The following GLDN variants were observed in gnomAD, a reference collection of about 807,000 sequenced individuals.
GLDN encodes the protein collomin.
In GLDN, 47 loss-of-function variants were observed where a neutral mutation model predicts 56.5. That is an observed-to-expected ratio of 0.83 (90% CI 0.66 to 1.06). The LOEUF (loss-of-function observed/expected upper bound fraction) is 1.06. Among genes scored for constraint, GLDN ranks in the 50% least tolerant of loss-of-function variants. GLDN has a pLI of 0.00. For synonymous variants in GLDN, 332 were observed against 278.8 expected (o/e 1.19, Z -1.90); for missense variants, 782 against 714.3 (o/e 1.09, Z -1.08).
downstream of GLDN, among the ~76,000 whole-genome samples, chr15:51,410,908 C>T (rs568230786): frequency 2.7e-4 from 41 of 152,258 alleles, no homozygotes; most frequent in African/African-American, 9.6e-4. Context: ...GATCACTCAC[C>T]ATCCTTCCTT....
At chr15:51,347,569 A>G (rs1217781571) in intron 1 of GLDN, among the ~76,000 whole-genome samples, 1 of 152,230 alleles carries the variant, frequency 6.6e-6, no homozygotes, top group African/African-American at 2.4e-5. Context: ...AAGTTTGACA[A>G]CACACTGTAT....
downstream of GLDN, among the ~76,000 whole-genome samples, chr15:51,411,952 AGCT>A (rs1379493936): frequency 6.6e-6 from 1 of 152,236 alleles, no homozygotes; most frequent in Non-Finnish European, 1.5e-5. Context: ...ACTTAAAGAT[AGCT>A]GCACACATAG....
At chr15:51,370,565 C>T (rs12438196) in intron 1 of GLDN, among the ~76,000 whole-genome samples, 19,873 of 151,832 alleles carry the variant, frequency 0.13, 2,591 homozygotes, top group African/African-American at 0.34. Flanking sequence ...ATCGTGAGAA[C>T]ATGATGTTTG....
Position 51,383,785 on chromosome 15 carries a change from G to C in GLDN, c.434G>C (p.Gly145Ala). The stretch of plus-strand genomic sequence containing the variant: ...TCCCTGTTTCTGTGTTTTGATGCAG[G>C]ACCTCCGGGAGCCGGCGGGTTGCCA... ...ICLTGPSGPP[G>A]PPGAGGLPGH... is the part of the protein sequence containing the mutation. The change falls in exon 4 of 10, where the codon GGA becomes GCA. Residue 145 changes from glycine to alanine, a missense_variant and splice_region_variant. Transcript: ENST00000335449. 1 of 1,601,466 alleles carries C rather than the reference G, an allele frequency of 6.2e-7. No individual in the cohort carries two copies. The highest frequency in any genetic ancestry group is 8.5e-7 in the Non-Finnish European group (1 of 1,175,122).
chr15:51,401,998 T>G (rs567109738), intron 9 of GLDN, among the ~76,000 whole-genome samples: 57 of 152,264 alleles, frequency 3.7e-4, no homozygotes, highest in Admixed American at 3.3e-4. Flanking sequence ...CAGGGAGAAG[T>G]AGACCTGGAG....
chr15:51,383,953 GTCGACTAAAACTGTGTGC>G lies in GLDN; in HGVS notation c.541+62_541+79del, dbSNP rs1431926751. On this transcript the variant is annotated intron_variant, in intron 4 of 9. Coordinates refer to ENST00000335449, the MANE Select transcript of GLDN (RefSeq NM_181789.4). ...TATTTATCTCCATGATTGCATTTGG[GTCGACTAAAACTGTGTGC>G]AGCAGGGGTAAGGTGTTTCATCTCT... 9 of 1,268,050 alleles carry G rather than the reference GTCGACTAAAACTGTGTGC, an allele frequency of 7.1e-6. No individual in the cohort carries two copies. In the East Asian group the frequency reaches 2.2e-4, roughly 31 times the overall value. The allele number at this position is 1,268,050 out of a possible 1,614,324, so 78.5% of individuals were successfully genotyped here.
rs531999211 is a variant in GLDN at position 51,407,052 on chromosome 15, T to C, written c.*2298T>C. On this transcript the variant is annotated 3_prime_UTR_variant, in exon 10 of 10. Transcript: ENST00000335449. ...TTAGCACATATTCCTTTTAGAAAAATGTTTCAGAAACCTCAGTCTTGATAT... is the reference window on the plus strand; with the variant it reads ...TTAGCACATATTCCTTTTAGAAAAACGTTTCAGAAACCTCAGTCTTGATAT... 1 of 152,278 alleles carries C rather than the reference T, an allele frequency of 6.6e-6. No individual in the cohort carries two copies. Among genetic ancestry groups the C allele is most frequent in the African/African-American group, 2.4e-5 (1 of 41,548 alleles). 9.4% of individuals were successfully genotyped at this position (152,278 alleles called of 1,614,324 possible).
intron 2 of GLDN, among the ~76,000 whole-genome samples, chr15:51,381,138 A>C (rs2037749192): frequency 6.6e-6 from 1 of 152,214 alleles, no homozygotes; most frequent in Non-Finnish European, 1.5e-5. Context: ...TAATCACCAC[A>C]GTGAGAGCCT....
intron 4 of GLDN, among the ~76,000 whole-genome samples, chr15:51,392,129 T>C (rs904260249): frequency 6.6e-6 from 1 of 152,198 alleles, no homozygotes; most frequent in Non-Finnish European, 1.5e-5. Context: ...CCATTTTGAA[T>C]ATTTATTACT....
chr15:51,351,179 C>G (rs1314642772), intron 1 of GLDN: 1 of 291,800 alleles, frequency 3.4e-6, no homozygotes, highest in African/African-American at 2.2e-5. Flanking sequence ...AGCTAGCCTT[C>G]TCTTAGATCT....
At chr15:51,381,573 A>T (rs1214029292) in intron 2 of GLDN, among the ~76,000 whole-genome samples, 1 of 152,130 alleles carries the variant, frequency 6.6e-6, no homozygotes. Flanking sequence ...CTGTCAAAAT[A>T]GCCTCTATCC....
chr15:51,411,356 A>G (rs919241136), downstream of GLDN, among the ~76,000 whole-genome samples: 5 of 152,236 alleles, frequency 3.3e-5, no homozygotes, highest in Non-Finnish European at 7.3e-5. Flanking sequence ...AAGACCTGCT[A>G]TGCCAAGGTT....
At chr15:51,374,736 C>CTTTTTTT (rs71297688) in intron 1 of GLDN, among the ~76,000 whole-genome samples, 5 of 110,258 alleles carry the variant, frequency 4.5e-5, no homozygotes, top group African/African-American at 1.6e-4. Flanking sequence ...CTTTCTTTTC[C>CTTTTTTT]TTTTTTTTTT....
chr15:51,361,012 A>G (rs962375698), intron 1 of GLDN, among the ~76,000 whole-genome samples: 2 of 152,230 alleles, frequency 1.3e-5, no homozygotes, highest in African/African-American at 4.8e-5. Context: ...TGACTATTGG[A>G]TGAATGTAAG....
intron 1 of GLDN, among the ~76,000 whole-genome samples, chr15:51,359,790 C>G (rs1456365581): frequency 6.6e-6 from 1 of 151,908 alleles, no homozygotes; most frequent in African/African-American, 2.4e-5. Context: ...TCCTGGCTAA[C>G]ATGGTGAAAC....
chr15:51,370,433 A>G (rs1315080342), intron 1 of GLDN, among the ~76,000 whole-genome samples: 2 of 152,232 alleles, frequency 1.3e-5, no homozygotes, highest in Non-Finnish European at 2.9e-5. Flanking sequence ...TAAGGAAAAT[A>G]AAAGTCTTAT....
At chr15:51,378,401 T>G (rs2037681707) in intron 2 of GLDN, among the ~76,000 whole-genome samples, 1 of 152,256 alleles carries the variant, frequency 6.6e-6, no homozygotes, top group African/African-American at 2.4e-5. Context: ...TTAAGCATCT[T>G]TCTTCCATCT....
intron 1 of GLDN, among the ~76,000 whole-genome samples, chr15:51,357,874 C>T (rs2037216062): frequency 6.6e-6 from 1 of 152,064 alleles, no homozygotes; most frequent in African/African-American, 2.4e-5. Context: ...GGTGAAAATC[C>T]AAAGACCCTT....
chr15:51,344,237 G>C (rs1300740942), intron 1 of GLDN, among the ~76,000 whole-genome samples: 3 of 152,168 alleles, frequency 2.0e-5, no homozygotes, highest in African/African-American at 7.2e-5. Flanking sequence ...TTAGGCCACA[G>C]CCTGGGGATG....
Sources: gnomAD v4.1 joint callset for allele counts (sites outside exome capture counted in the v4.1 genomes callset) on GRCh38, gnomAD v4.1.1 for gene constraint, MANE v1.5 for transcripts, NCBI Gene and HGNC (gene_info 2026-07-23, HGNC 2026-07-21) for gene names.